Variants in DPP6 observed in about 807,000 individuals in gnomAD.
DPP6 encodes A-type potassium channel modulatory protein DPP6.
In DPP6, 69 loss-of-function variants were observed where a neutral mutation model predicts 122.6. The ratio of observed to expected loss-of-function variants is 0.56; its 90% confidence interval spans 0.46 to 0.69. The LOEUF is 0.69. DPP6 is among the 30% of genes least tolerant of loss of function. The probability of loss-of-function intolerance (pLI) is 0.00; values close to 1 mark genes in which losing one functional copy is unlikely to be tolerated. For synonymous variants in DPP6, 418 were observed against 433.1 expected, an observed-to-expected ratio of 0.97 and a Z score of 0.43; for missense variants, 928 against 1,116.9, an observed-to-expected ratio of 0.83 and a Z score of 2.41.
chr7:154,685,102 T>A (rs1278735489), intron 7 of DPP6, among the ~76,000 whole-genome samples: 6 of 152,252 alleles, frequency 3.9e-5, no homozygotes, highest in African/African-American at 1.2e-4. Context: ...CCCACTGCCC[T>A]GCTGAATCCT....
intron 1 of DPP6, among the ~76,000 whole-genome samples, chr7:154,295,843 T>G (rs963367252): frequency 3.3e-5 from 5 of 152,156 alleles, no homozygotes; most frequent in Middle Eastern, 6.8e-3. Flanking sequence ...TATATTTAGA[T>G]TCCTCTTTTT....
chr7:154,589,830 T>A (rs1832697037), intron 5 of DPP6, among the ~76,000 whole-genome samples: 1 of 152,218 alleles, frequency 6.6e-6, no homozygotes, highest in Non-Finnish European at 1.5e-5. Flanking sequence ...CTGGACTCCT[T>A]TCTGTCTCCG....
chr7:154,137,724 T>C (rs1480492922), intron 1 of DPP6, among the ~76,000 whole-genome samples: 20 of 150,476 alleles, frequency 1.3e-4, no homozygotes. Context: ...TTAACACACA[T>C]CTTCCCTGCT....
rs111569759 is a variant in DPP6 at position 154,830,918 on chromosome 7, A to G, written c.1667-22862A>G. 9.8e-3 allele frequency among the ~76,000 whole-genome samples: 1,496 copies of G among 152,334 alleles called. 25 individuals are homozygous for G. The highest frequency in any genetic ancestry group is 0.033 in the African/African-American group (1,369 of 41,560). On this transcript the variant is annotated intron_variant, in intron 16 of 25. Coordinates refer to ENST00000377770, the MANE Select transcript of DPP6 (RefSeq NM_130797.4). ...CCTTTGGTAGATGAACTGGATGTTT[A>G]CATCCATTATTGCTGGACAGCCACA...
intron 1 of DPP6, among the ~76,000 whole-genome samples, chr7:154,063,735 C>T (rs548446038): frequency 0.045 from 6,614 of 148,246 alleles, 243 homozygotes; most frequent in African/African-American, 0.079. Flanking sequence ...TCTTCCCCCC[C>T]GGCTTAGGAC....
chr7:154,263,679 TTTA>T (rs76986438), intron 1 of DPP6, among the ~76,000 whole-genome samples: 1 of 151,420 alleles, frequency 6.6e-6, no homozygotes, highest in African/African-American at 2.4e-5. Context: ...TTATGTTCTT[TTTA>T]TTATTATTAT....
At chr7:154,305,630 C>G in intron 1 of DPP6, 2 of 1,513,338 alleles carry the variant, frequency 1.3e-6, no homozygotes, top group South Asian at 2.4e-5. Context: ...ATGAGAGAGA[C>G]AGAGACAGAG....
At chr7:154,174,183 G>T (rs547556942) in intron 1 of DPP6, among the ~76,000 whole-genome samples, 2 of 152,206 alleles carry the variant, frequency 1.3e-5, no homozygotes, top group Non-Finnish European at 2.9e-5. Flanking sequence ...GCTCCACCAC[G>T]CACTAGCTGC....
intron 1 of DPP6, among the ~76,000 whole-genome samples, chr7:154,125,118 G>A (rs528542130): frequency 5.3e-5 from 8 of 152,278 alleles, no homozygotes; most frequent in South Asian, 2.1e-4. Flanking sequence ...ACTAGGAACC[G>A]TTTACTAAAA....
chr7:154,660,708 GCGC>G (rs1837604317), intron 6 of DPP6, among the ~76,000 whole-genome samples: 2 of 104,462 alleles, frequency 1.9e-5, no homozygotes, highest in Non-Finnish European at 3.9e-5. Context: ...TGGCATATTG[GCGC>G]TAGTATTCAT....
chr7:153,965,148 G>T (rs754812118), intron 1 of DPP6, among the ~76,000 whole-genome samples: 2 of 151,562 alleles, frequency 1.3e-5, no homozygotes, highest in African/African-American at 2.4e-5. Context: ...AGTTTCCTTG[G>T]TGTGTAACCG....
intron 1 of DPP6, among the ~76,000 whole-genome samples, chr7:154,320,001 A>T (rs1197908776): frequency 7.9e-5 from 11 of 139,308 alleles, no homozygotes; most frequent in Non-Finnish European, 1.2e-4. Context: ...AAATATTTCA[A>T]ATATATATAT....
chr7:154,061,580 T>G (rs1167232702), intron 1 of DPP6, among the ~76,000 whole-genome samples: 1 of 145,408 alleles, frequency 6.9e-6, no homozygotes, highest in African/African-American at 2.6e-5. Context: ...CTGAGATCCA[T>G]CCCCTCTTCC....
rs74432362 is a variant in DPP6, at chr7:154,753,651, C to T, written c.884-15766C>T. Among the ~76,000 whole-genome samples the T allele has an allele frequency of 9.6e-3, 1,461 of 152,242 alleles. 25 individuals are homozygous for T. Among genetic ancestry groups the T allele is most frequent in the African/African-American group, 0.033 (1,383 of 41,534 alleles). ...ATTCTCTTTAGTATCATGCAGTCCC[C>T]ACAGCGACTTCTGCTTCAGGCTAGT... On this transcript the variant is annotated intron_variant, in intron 8 of 25. Transcript: ENST00000377770.
At chr7:154,820,285 G>A (rs1466985367) in intron 16 of DPP6, among the ~76,000 whole-genome samples, 1 of 152,192 alleles carries the variant, frequency 6.6e-6, no homozygotes. Flanking sequence ...TTGTCCATCT[G>A]CTGCAGCCAG....
chr7:154,149,088 C>A (rs1778591365), intron 1 of DPP6, among the ~76,000 whole-genome samples: 1 of 152,218 alleles, frequency 6.6e-6, no homozygotes, highest in Non-Finnish European at 1.5e-5. Context: ...CCAAAGGGAG[C>A]TTCATCCCTC....
At chr7:154,795,400 A>G (rs3807270) in intron 11 of DPP6, among the ~76,000 whole-genome samples, 40,007 of 152,104 alleles carry the variant, frequency 0.26, 5,719 homozygotes, top group Admixed American at 0.34. Flanking sequence ...AGCCCCTTTG[A>G]AAGGGTTTCT....
At chr7:153,981,102 G>A (rs961148197) in intron 1 of DPP6, among the ~76,000 whole-genome samples, 20 of 152,150 alleles carry the variant, frequency 1.3e-4, no homozygotes, top group African/African-American at 4.8e-4. Flanking sequence ...GAATATCCTT[G>A]TTAATTTTAT....
At chr7:154,163,877 A>C (rs1346197393) in intron 1 of DPP6, among the ~76,000 whole-genome samples, 3 of 152,174 alleles carry the variant, frequency 2.0e-5, no homozygotes, top group Non-Finnish European at 4.4e-5. Flanking sequence ...ACTACAGGGC[A>C]CGCCTTCTTC....
Sources: allele counts gnomAD v4.1 joint callset (sites outside exome capture counted in the v4.1 genomes callset), GRCh38; gene constraint gnomAD v4.1.1; transcripts MANE v1.5; gene names NCBI Gene and HGNC (gene_info 2026-07-23, HGNC 2026-07-21).